Variants in INPP5D observed in about 807,000 individuals in gnomAD.
The protein encoded by INPP5D is phosphatidylinositol 3,4,5-trisphosphate 5-phosphatase 1.
A neutral mutation model predicts 122.9 loss-of-function variants in INPP5D; 33 were observed. The ratio of observed to expected loss-of-function variants is 0.27; its 90% CI spans 0.20 to 0.36. INPP5D has a LOEUF of 0.36. Ranked by LOEUF, INPP5D falls within the 10% of genes least tolerant of loss-of-function variation. The pLI, the probability that INPP5D is intolerant of heterozygous loss-of-function variation, is 1.00. For synonymous variants in INPP5D, 584 were observed against 576.2 expected (o/e 1.01, Z -0.19); for missense variants, 1,053 against 1,412.7 (o/e 0.75, Z 4.08).
chr2:233,114,732 C>G (rs562387297), intron 2 of INPP5D, among the ~76,000 whole-genome samples: 1 of 152,298 alleles, frequency 6.6e-6, no homozygotes, highest in East Asian at 1.9e-4. Flanking sequence ...GCAGCCACCC[C>G]GCAAACCCAC....
At chr2:233,104,677 T>G (rs922493010) in intron 2 of INPP5D, among the ~76,000 whole-genome samples, 2 of 152,130 alleles carry the variant, frequency 1.3e-5, no homozygotes, top group Non-Finnish European at 2.9e-5. Flanking sequence ...GGGTCCAAAT[T>G]CTTTCCCAGT....
chr2:233,130,423 T>G, intron 4 of INPP5D, 85 bp from the exon 5 acceptor site: 2 of 1,433,194 alleles, frequency 1.4e-6, no homozygotes, highest in South Asian at 1.3e-5. Flanking sequence ...GGATGAGGAT[T>G]TGTTATTGTG....
rs1455772976 is a variant in INPP5D at position 233,192,441 on chromosome 2, C to T, written c.2447-1371C>T. 2.6e-5 allele frequency among the ~76,000 whole-genome samples: 4 copies of T among 152,182 alleles called. No individual in the cohort carries two copies. In the East Asian group the frequency reaches 7.7e-4, roughly 29 times the overall value. On this transcript the variant is annotated intron_variant, in intron 22 of 26. Coordinates refer to ENST00000445964, the MANE Select transcript of INPP5D (RefSeq NM_001017915.3). ...TATTTTGGTTTCACATTTCCAGCCT[C>T]ATACATAGGCATACCTAGATTTTCA... is the stretch of plus-strand genomic sequence containing the variant.
At chr2:233,141,369 C>A (rs1046956098) in intron 6 of INPP5D, 1 of 152,126 alleles carries the variant, frequency 6.6e-6, no homozygotes, top group African/African-American at 2.4e-5. Context: ...GAATTTGAGA[C>A]CAACCTGACC....
At chr2:233,185,980 A>G in intron 21 of INPP5D, 55 bp downstream of exon 21, 3 of 1,507,050 alleles carry the variant, frequency 2.0e-6, no homozygotes, top group Non-Finnish European at 2.7e-6. Flanking sequence ...CTAGGCCAGT[A>G]GTACCAGCCA....
intron 2 of INPP5D, among the ~76,000 whole-genome samples, chr2:233,120,912 AAAAAT>A (rs1425647257): frequency 7.1e-6 from 1 of 141,690 alleles, no homozygotes; most frequent in Admixed American, 6.7e-5. Flanking sequence ...AACAAATGAA[AAAAAT>A]AAAATAAAAA....
chr2:233,197,999 G>A lies in INPP5D; in HGVS notation c.2694-96G>A. 1 of 1,421,836 alleles carries A rather than the reference G, an allele frequency of 7.0e-7. No homozygotes were observed. Among genetic ancestry groups the A allele is most frequent in the Non-Finnish European group, 9.2e-7 (1 of 1,083,806 alleles). The allele number at this position is 1,421,836 out of a possible 1,614,324, so 88.1% of individuals were successfully genotyped here. On this transcript the variant is annotated intron_variant, in intron 24 of 26. Coordinates refer to ENST00000445964, the MANE Select transcript of INPP5D (RefSeq NM_001017915.3). This position sits in a 1 kb window ranked among gnomAD's most constrained non-coding sequence, Gnocchi z 4.4. ...TGAAGGAGTTGAGGAGAGCTCGAGA[G>A]AGCCCTAGGGTTATCAGAGGACACT...
At position 233,112,933 on chromosome 2, in the gene INPP5D, C is replaced by T. The variant is rs563254478; in HGVS notation, c.199-9174C>T. 1.2e-4 allele frequency among the ~76,000 whole-genome samples: 18 copies of T among 152,256 alleles called. No homozygotes were observed. The East Asian group carries it at 3.5e-3, about 29-fold the overall frequency. ...TCGGTTTCCCAAAGTGCTGGGAATACAGGTGTGAGCCACTGCACCTGACCG... is the reference window on the plus strand; with the variant it reads ...TCGGTTTCCCAAAGTGCTGGGAATATAGGTGTGAGCCACTGCACCTGACCG... On this transcript the variant is annotated intron_variant, in intron 2 of 26. Transcript: ENST00000445964.
At chr2:233,132,885 A>ATTTTT (rs35276718) in intron 5 of INPP5D, among the ~76,000 whole-genome samples, 2 of 117,994 alleles carry the variant, frequency 1.7e-5, no homozygotes, top group Non-Finnish European at 1.7e-5. Flanking sequence ...ATGAACAAGA[A>ATTTTT]TTTTTTTTTT....
At chr2:233,147,951 G>A (rs1319847329) in intron 9 of INPP5D, among the ~76,000 whole-genome samples, 1 of 152,254 alleles carries the variant, frequency 6.6e-6, no homozygotes, top group African/African-American at 2.4e-5. Flanking sequence ...CCTGGGACAT[G>A]TCATGACCTC....
At chr2:233,091,643 A>G (rs1691996352) in intron 2 of INPP5D, among the ~76,000 whole-genome samples, 1 of 152,204 alleles carries the variant, frequency 6.6e-6, no homozygotes. Flanking sequence ...TAGATTGGGA[A>G]CAGCTGAATA....
At chr2:233,106,018 G>A (rs963072454) in intron 2 of INPP5D, among the ~76,000 whole-genome samples, 13 of 152,196 alleles carry the variant, frequency 8.5e-5, no homozygotes, top group African/African-American at 3.1e-4. Context: ...TGTGACATTG[G>A]ACAAGTTGCC....
intron 5 of INPP5D, among the ~76,000 whole-genome samples, chr2:233,136,375 A>G (rs1693463630): frequency 1.3e-5 from 2 of 152,010 alleles, no homozygotes. Flanking sequence ...GCTACTCAGG[A>G]GGCTGAGGTA....
chr2:233,184,275 A>G (rs1332922098), intron 19 of INPP5D, 133 bp from the exon 20 acceptor site: 1 of 1,293,530 alleles, frequency 7.7e-7, no homozygotes, highest in Non-Finnish European at 1.0e-6. Context: ...CTGTAGCTTT[A>G]GTTCTCCTCC....
intron 22 of INPP5D, among the ~76,000 whole-genome samples, chr2:233,192,467 T>C (rs932992388): frequency 1.3e-5 from 2 of 152,232 alleles, no homozygotes; most frequent in Non-Finnish European, 2.9e-5. Context: ...TAGATTTTCA[T>C]ACTTACATCA....
intron 7 of INPP5D, 22 bp downstream of exon 7, chr2:233,146,264 C>A (rs1559317347): frequency 2.8e-6 from 2 of 704,284 alleles, no homozygotes; most frequent in Non-Finnish European, 2.6e-6. Flanking sequence ...GCTCCTGCGG[C>A]TTCTCTTGGT....
intron 2 of INPP5D, among the ~76,000 whole-genome samples, chr2:233,104,406 G>T (rs145104530): frequency 6.3e-4 from 96 of 152,240 alleles, no homozygotes; most frequent in African/African-American, 2.2e-3. Context: ...CAATGCTGAG[G>T]CTTCTTTGCA....
intron 2 of INPP5D, among the ~76,000 whole-genome samples, chr2:233,115,408 T>C (rs1292741444): frequency 1.3e-5 from 2 of 152,188 alleles, no homozygotes; most frequent in Non-Finnish European, 2.9e-5. Context: ...GCAATGACTT[T>C]CCTGGATGGT....
Position 233,086,835 on chromosome 2 carries a change from G to A in INPP5D, c.198+7437G>A, listed in dbSNP as rs150294426. Reference sequence around the variant, plus strand: ...TTCAAATTGAATATCGAGTTTCACTGCACCAAATGCCCATGAGCCACGGTC... The same window carrying A: ...TTCAAATTGAATATCGAGTTTCACTACACCAAATGCCCATGAGCCACGGTC... On this transcript the variant is annotated intron_variant, in intron 2 of 26. Transcript: ENST00000445964. Among the ~76,000 whole-genome samples, 182 of 152,230 alleles carry A rather than the reference G, an allele frequency of 1.2e-3. 1 individual carries two copies. In the East Asian group the frequency reaches 0.019, roughly 16 times the overall value.
Sources: allele counts gnomAD v4.1 joint callset (sites outside exome capture counted in the v4.1 genomes callset), GRCh38; gene constraint gnomAD v4.1.1; non-coding constraint Gnocchi (gnomAD v3.1); transcripts MANE v1.5; gene names NCBI Gene and HGNC (gene_info 2026-07-23, HGNC 2026-07-21).